MACROD1: variants seen among roughly 807,000 people sequenced by gnomAD.
MACROD1 encodes the protein mono-ADP ribosylhydrolase 1, also known as ADP-ribose glycohydrolase MACROD1.
A neutral mutation model predicts 41.4 loss-of-function variants in MACROD1; 31 were observed. The observed-to-expected ratio is 0.75, with a 90% CI of 0.56 to 1.01. The LOEUF is 1.01. MACROD1 is among the 50% of genes least tolerant of loss of function. The pLI is 0.00. For synonymous variants in MACROD1, 252 were observed against 203.4 expected, an observed-to-expected ratio of 1.24 and a Z score of -2.03; for missense variants, 473 against 460.0, an observed-to-expected ratio of 1.03 and a Z score of -0.26.
At chr11:64,057,179 C>G (rs11231685) in intron 3 of MACROD1, among the ~76,000 whole-genome samples, 1 of 152,204 alleles carries the variant, frequency 6.6e-6, no homozygotes, top group Non-Finnish European at 1.5e-5. Context: ...CAGCCAGCCC[C>G]GTGTTTATAA....
chr11:64,028,421 T>G (rs184450492), intron 3 of MACROD1, among the ~76,000 whole-genome samples: 67 of 152,234 alleles, frequency 4.4e-4, no homozygotes, highest in African/African-American at 1.6e-3. Flanking sequence ...GGCTCCACGC[T>G]GCAGAGGGAG....
At chr11:64,155,270 GA>G (rs1354731933) in intron 1 of MACROD1, among the ~76,000 whole-genome samples, 1 of 151,846 alleles carries the variant, frequency 6.6e-6, no homozygotes, top group South Asian at 2.1e-4. Flanking sequence ...AATTAAAAAA[GA>G]AAAAAAAGAG....
intron 3 of MACROD1, among the ~76,000 whole-genome samples, chr11:64,032,981 C>T (rs940258827): frequency 6.6e-6 from 1 of 151,940 alleles, no homozygotes; most frequent in African/African-American, 2.4e-5. Context: ...ATTCCTGAGC[C>T]TCAAAGCCAA....
chr11:64,026,048 G>A (rs57930988), intron 3 of MACROD1, among the ~76,000 whole-genome samples: 5,441 of 152,252 alleles, frequency 0.036, 204 homozygotes, highest in South Asian at 0.2. Flanking sequence ...GGGCGTGGTG[G>A]TGCGCGCCGG....
chr11:64,015,633 C>T (rs558998815), intron 3 of MACROD1, among the ~76,000 whole-genome samples: 49 of 152,158 alleles, frequency 3.2e-4, no homozygotes, highest in Non-Finnish European at 5.1e-4. Flanking sequence ...TGAGGCTGGT[C>T]GGCGCCAGGC....
At chr11:64,147,367 C>T (rs1263321885) in intron 3 of MACROD1, among the ~76,000 whole-genome samples, 1 of 149,784 alleles carries the variant, frequency 6.7e-6, no homozygotes, top group Non-Finnish European at 1.5e-5. Context: ...CCACCGCCTG[C>T]AGCCTCAGAG....
At chr11:64,001,716 G>A (rs1421046061) in intron 4 of MACROD1, 1 of 702,206 alleles carries the variant, frequency 1.4e-6, no homozygotes, top group Non-Finnish European at 2.6e-6. Context: ...TCCTCTGCAG[G>A]GAGAAAGGCA....
At position 64,070,672 on chromosome 11, in the gene MACROD1, C is replaced by T. The variant is rs113356862; in HGVS notation, c.518-55391G>A. On this transcript the variant is annotated intron_variant, in intron 3 of 10. Coordinates refer to ENST00000255681, the MANE Select transcript of MACROD1 (RefSeq NM_014067.4). ...GGGCCTCAGGGGCCTCCCAGCTGAT[C>T]GGGGCAGATTTAACAGGACTTTGAA... is the stretch of plus-strand genomic sequence containing the variant. Among the ~76,000 whole-genome samples the T allele has an allele frequency of 4.4e-3, 675 of 152,240 alleles. 2 individuals carry two copies. The highest frequency in any genetic ancestry group is 0.015 in the African/African-American group (629 of 41,542).
At chr11:64,031,833 G>C (rs1590815828) in intron 3 of MACROD1, among the ~76,000 whole-genome samples, 1 of 152,320 alleles carries the variant, frequency 6.6e-6, no homozygotes, top group East Asian at 1.9e-4. Flanking sequence ...GGCATGCACA[G>C]CCCGCCTATC....
At chr11:64,047,125 T>C (rs562244939) in intron 3 of MACROD1, among the ~76,000 whole-genome samples, 27 of 151,966 alleles carry the variant, frequency 1.8e-4, no homozygotes, top group African/African-American at 6.0e-4. Flanking sequence ...CTCCCCGACA[T>C]TGGCTGCCTC....
At chr11:64,041,731 T>C (rs2134389001) in intron 3 of MACROD1, among the ~76,000 whole-genome samples, 1 of 152,178 alleles carries the variant, frequency 6.6e-6, no homozygotes, top group South Asian at 2.1e-4. Context: ...ACATAGCATC[T>C]TGGGTCTTGG....
rs1945837544 is a variant in MACROD1 at position 64,165,929 on chromosome 11, G to T, written c.66C>A (p.Val22=). 6.0e-6 allele frequency: 8 copies of T among 1,325,140 alleles called. No individual in the cohort carries two copies. Among genetic ancestry groups the T allele is most frequent in the Non-Finnish European group, 7.7e-6 (8 of 1,044,568 alleles). 82.1% of individuals were successfully genotyped at this position (1,325,140 alleles called of 1,614,324 possible). The change falls in exon 1 of 11, where the codon GTC becomes GTA. Residue 22 remains valine (V), a synonymous_variant. Coordinates refer to ENST00000255681, the MANE Select transcript of MACROD1 (RefSeq NM_014067.4). ...AGTGTCCGGGCCGGGGGCGCGGGGG[G>T]ACGAGCAGCTGCCCCGCCGCGCGCA... is the stretch of plus-strand genomic sequence containing the variant. The part of the protein sequence containing the change: ...AQLRAAGQLL[V]PPRPRPGHLA...
At chr11:64,117,051 G>A (rs929198147) in intron 3 of MACROD1, 19 of 1,605,162 alleles carry the variant, frequency 1.2e-5, no homozygotes, top group Middle Eastern at 1.6e-4. Flanking sequence ...TTCGCTGGCC[G>A]CGCCACCCCT....
intron 3 of MACROD1, among the ~76,000 whole-genome samples, chr11:64,088,041 C>A (rs1245940873): frequency 6.6e-6 from 1 of 152,140 alleles, no homozygotes; most frequent in Admixed American, 6.5e-5. Context: ...CCCTGGTGGC[C>A]CTGTCACTGG....
At chr11:64,045,263 C>T (rs976420402) in intron 3 of MACROD1, among the ~76,000 whole-genome samples, 14 of 152,186 alleles carry the variant, frequency 9.2e-5, no homozygotes, top group Non-Finnish European at 1.9e-4. Flanking sequence ...AGGGTGCTGG[C>T]GGCCTGCCGT....
At chr11:64,113,369 G>T (rs1944895441) in intron 3 of MACROD1, among the ~76,000 whole-genome samples, 1 of 152,160 alleles carries the variant, frequency 6.6e-6, no homozygotes, top group African/African-American at 2.4e-5. Flanking sequence ...ATGATGGATG[G>T]ATGGATGGAT....
intron 3 of MACROD1, among the ~76,000 whole-genome samples, chr11:64,062,177 C>T (rs1943918204): frequency 6.6e-6 from 1 of 152,034 alleles, no homozygotes; most frequent in Admixed American, 6.6e-5. Context: ...GGCTGAGCAC[C>T]CACAGGGGCC....
intron 3 of MACROD1, among the ~76,000 whole-genome samples, chr11:64,049,059 C>T (rs1023997880): frequency 1.5e-5 from 2 of 137,364 alleles, no homozygotes; most frequent in African/African-American, 6.0e-5. Flanking sequence ...ACATATTTGT[C>T]CTTCAGGGGG....
At chr11:64,165,461 C>T (rs1431497445) in intron 1 of MACROD1, among the ~76,000 whole-genome samples, 3 of 152,188 alleles carry the variant, frequency 2.0e-5, no homozygotes, top group Non-Finnish European at 1.5e-5. Flanking sequence ...CTCACGCTGC[C>T]CCCTGCGTGG....
Sources: allele counts gnomAD v4.1 joint callset (sites outside exome capture counted in the v4.1 genomes callset), GRCh38; gene constraint gnomAD v4.1.1; transcripts MANE v1.5; gene names NCBI Gene and HGNC (gene_info 2026-07-23, HGNC 2026-07-21).